Variants in RALGPS1 observed in about 807,000 individuals in gnomAD.
RALGPS1 encodes the protein ras-specific guanine nucleotide-releasing factor RalGPS1.
Under a neutral mutation model 78.8 loss-of-function variants are expected in RALGPS1, and 19 were observed. That is an observed-to-expected ratio of 0.24 (90% CI 0.17 to 0.35). RALGPS1 has a LOEUF of 0.35. Among genes scored for constraint, RALGPS1 ranks in the 10% least tolerant of loss-of-function variants. RALGPS1 has a pLI of 1.00. For synonymous variants in RALGPS1, 228 were observed against 256.3 expected (o/e 0.89, Z 1.06); for missense variants, 454 against 688.3 (o/e 0.66, Z 3.81).
intron 7 of RALGPS1, among the ~76,000 whole-genome samples, chr9:127,063,596 A>G (rs764914398): frequency 1.3e-5 from 2 of 151,672 alleles, no homozygotes; most frequent in African/African-American, 4.8e-5. Flanking sequence ...TTTTAGTTTG[A>G]TGGTTTGTTT....
chr9:127,105,409 A>G (rs952283323), intron 8 of RALGPS1, among the ~76,000 whole-genome samples: 2 of 152,192 alleles, frequency 1.3e-5, no homozygotes, highest in African/African-American at 4.8e-5. Context: ...GGTGCCAGGA[A>G]TAGAACTGTG....
Position 127,177,833 on chromosome 9 carries a change from C to T in RALGPS1, c.910+3051C>T, listed in dbSNP as rs574789041. Reference sequence around the variant, plus strand: ...CTAGGAGCCAGCCCTGGCCCAGCCTCCTCAGGTACAGCCTCCTTTCCCACA... The same window carrying T: ...CTAGGAGCCAGCCCTGGCCCAGCCTTCTCAGGTACAGCCTCCTTTCCCACA... On this transcript the variant is annotated intron_variant, in intron 11 of 18. Transcript: ENST00000259351. 1.9e-6 allele frequency: 3 copies of T among 1,546,156 alleles called. No homozygotes were observed. The African/African-American group carries it at 4.1e-5, about 21-fold the overall frequency.
At chr9:127,008,299 A>G (rs2044040506) in intron 4 of RALGPS1, among the ~76,000 whole-genome samples, 1 of 152,202 alleles carries the variant, frequency 6.6e-6, no homozygotes, top group Non-Finnish European at 1.5e-5. Flanking sequence ...TAGCTGGGCT[A>G]TTCCATGGAC....
chr9:127,208,466 T>C (rs1452998915), intron 14 of RALGPS1, among the ~76,000 whole-genome samples: 3 of 152,220 alleles, frequency 2.0e-5, no homozygotes, highest in African/African-American at 7.2e-5. Flanking sequence ...CAGACAGTCC[T>C]GGGTTCAAGT....
chr9:126,973,001 G>A (rs1455065957), intron 3 of RALGPS1, among the ~76,000 whole-genome samples: 1 of 151,700 alleles, frequency 6.6e-6, no homozygotes, highest in Non-Finnish European at 1.5e-5. Context: ...GGTGGAGGTT[G>A]CAGTGAGCCG....
intron 11 of RALGPS1, 99 bp from the exon 12 acceptor site, chr9:127,194,992 T>G (rs944246795): frequency 6.8e-6 from 10 of 1,470,770 alleles, no homozygotes; most frequent in African/African-American, 4.2e-5. Context: ...GTTGCTGTAC[T>G]TCAAACCCGG....
chr9:127,207,014 A>G (rs1465369676), intron 14 of RALGPS1, among the ~76,000 whole-genome samples: 3 of 152,022 alleles, frequency 2.0e-5, no homozygotes, highest in Admixed American at 1.3e-4. Flanking sequence ...AATAGTGCCT[A>G]CCTCACAGTG....
intron 8 of RALGPS1, among the ~76,000 whole-genome samples, chr9:127,147,465 G>T (rs933435136): frequency 2.0e-5 from 3 of 152,200 alleles, no homozygotes; most frequent in Non-Finnish European, 4.4e-5. Context: ...CTGACGTCAA[G>T]AAGAGTATTT....
intron 8 of RALGPS1, among the ~76,000 whole-genome samples, chr9:127,076,067 A>C (rs1302583992): frequency 6.6e-6 from 1 of 152,254 alleles, no homozygotes; most frequent in Admixed American, 6.5e-5. Flanking sequence ...TTGAATCAAA[A>C]AGTTTCTTGC....
intron 4 of RALGPS1, among the ~76,000 whole-genome samples, chr9:126,996,692 A>G (rs577255320): frequency 5.9e-5 from 9 of 152,374 alleles, no homozygotes; most frequent in Non-Finnish European, 1.0e-4. Flanking sequence ...TGAGGCCAGC[A>G]TCATCCTGAT....
intron 4 of RALGPS1, among the ~76,000 whole-genome samples, chr9:127,002,433 C>CTTTT (rs11380006): frequency 1.4e-4 from 16 of 117,376 alleles, no homozygotes; most frequent in South Asian, 2.5e-4. Flanking sequence ...CACAAACATT[C>CTTTT]TTTTTTTTTT....
chr9:127,120,933 G>T (rs1166915081), intron 8 of RALGPS1, among the ~76,000 whole-genome samples: 1 of 152,090 alleles, frequency 6.6e-6, no homozygotes, highest in African/African-American at 2.4e-5. Flanking sequence ...CTCAGGGTTT[G>T]CTGTGCACCA....
At chr9:127,163,849 C>T (rs542161462) in intron 8 of RALGPS1, among the ~76,000 whole-genome samples, 53 of 152,250 alleles carry the variant, frequency 3.5e-4, no homozygotes, top group African/African-American at 1.3e-3. Flanking sequence ...AAGTTAATTC[C>T]AATATTTGTA....
At chr9:127,188,784 G>A (rs2060829731) in intron 11 of RALGPS1, among the ~76,000 whole-genome samples, 1 of 136,244 alleles carries the variant, frequency 7.3e-6, no homozygotes, top group South Asian at 2.6e-4. Flanking sequence ...TGGCCAACAT[G>A]GTCGCAAAAC....
At chr9:127,116,043 T>C (rs1345668935) in intron 8 of RALGPS1, among the ~76,000 whole-genome samples, 1 of 152,172 alleles carries the variant, frequency 6.6e-6, no homozygotes, top group Non-Finnish European at 1.5e-5. Context: ...CATAAGACCA[T>C]TGAATGAACC....
At chr9:126,971,855 T>TA (rs2040152892) in intron 3 of RALGPS1, among the ~76,000 whole-genome samples, 3 of 152,162 alleles carry the variant, frequency 2.0e-5, no homozygotes, top group Non-Finnish European at 2.9e-5. Flanking sequence ...AATGAAAACT[T>TA]ACGGGATTCT....
intron 1 of RALGPS1, among the ~76,000 whole-genome samples, chr9:126,951,896 G>A (rs1483070164): frequency 1.3e-5 from 2 of 152,198 alleles, no homozygotes; most frequent in Admixed American, 6.5e-5. Context: ...GTTTGCAGAT[G>A]ACATGATTGT....
Position 127,103,143 on chromosome 9 carries a change from A to T in RALGPS1, c.610+33787A>T, listed in dbSNP as rs1589487425. Among the ~76,000 whole-genome samples, 7 of 152,376 alleles carry T rather than the reference A, an allele frequency of 4.6e-5. No individual in the cohort carries two copies. In the South Asian group the frequency reaches 1.2e-3, roughly 27 times the overall value. ...TTGCTTGACCTCCAGAAAGAATGGG[A>T]GCTACAACATCATATATTTCTCTGT... On this transcript the variant is annotated intron_variant, in intron 8 of 18. Coordinates refer to ENST00000259351, the MANE Select transcript of RALGPS1 (RefSeq NM_014636.3).
At chr9:126,947,018 G>A (rs1390601165) in intron 1 of RALGPS1, among the ~76,000 whole-genome samples, 1 of 152,142 alleles carries the variant, frequency 6.6e-6, no homozygotes, top group Non-Finnish European at 1.5e-5. Context: ...CTTTCATAGA[G>A]GGTCTAAAAG....
Sources: allele counts gnomAD v4.1 joint callset (sites outside exome capture counted in the v4.1 genomes callset), GRCh38; gene constraint gnomAD v4.1.1; transcripts MANE v1.5; gene names NCBI Gene and HGNC (gene_info 2026-07-23, HGNC 2026-07-21).